Variants in FLACC1 observed in about 807,000 individuals in gnomAD.
FLACC1 encodes the protein flagellum associated containing coiled-coil domains 1.
FLACC1 carries 66 observed loss-of-function variants against 62.8 expected under a neutral mutation model. That is an observed-to-expected ratio of 1.05 (90% CI 0.86 to 1.29). The LOEUF is 1.29. FLACC1 is among the 50% of genes most tolerant of loss of function. The pLI is 0.00. For synonymous variants in FLACC1, 156 were observed against 161.0 expected (o/e 0.97, Z 0.24); for missense variants, 452 against 489.1 (o/e 0.92, Z 0.71).
intron 11 of FLACC1, 33 bp from the exon 12 acceptor site, chr2:201,299,333 C>T (rs776574543): frequency 6.3e-7 from 1 of 1,582,802 alleles, no homozygotes; most frequent in East Asian, 2.2e-5. Flanking sequence ...AAGGTTAGCA[C>T]TGTGGTTCTG....
chr2:201,340,773 C>T (rs1280066128), intron 7 of FLACC1, among the ~76,000 whole-genome samples: 2 of 152,098 alleles, frequency 1.3e-5, no homozygotes, highest in African/African-American at 2.4e-5. Flanking sequence ...TTAAAACTTC[C>T]TTTTGCAATT....
intron 11 of FLACC1, among the ~76,000 whole-genome samples, chr2:201,305,507 A>G (rs1205369042): frequency 6.6e-6 from 1 of 152,236 alleles, no homozygotes; most frequent in Non-Finnish European, 1.5e-5. Context: ...TAGTTCAACC[A>G]TTGTGGAAGA....
chr2:201,295,828 C>T lies in FLACC1; in HGVS notation c.942+3410G>A, dbSNP rs1181110439. Reference sequence around the variant, plus strand: ...AACAAATTTACAAGAAAAAAACAAACAACCCCATGAACAAGTGGGCAAAGG... The same window carrying T: ...AACAAATTTACAAGAAAAAAACAAATAACCCCATGAACAAGTGGGCAAAGG... On this transcript the variant is annotated intron_variant, in intron 12 of 14. Transcript: ENST00000392257. Among the ~76,000 whole-genome samples, 3 of 152,116 alleles carry T rather than the reference C, an allele frequency of 2.0e-5. No homozygotes were observed. In the East Asian group the frequency reaches 5.8e-4, roughly 29 times the overall value.
chr2:201,299,952 G>A (rs1949942793), intron 11 of FLACC1, among the ~76,000 whole-genome samples: 1 of 152,176 alleles, frequency 6.6e-6, no homozygotes, highest in Non-Finnish European at 1.5e-5. Context: ...GAGTTTCCAA[G>A]ATGGCCAAAT....
Position 201,289,678 on chromosome 2 carries a change from A to C in FLACC1, c.1032+18T>G. On this transcript the variant is annotated intron_variant, in intron 13 of 14. Coordinates refer to ENST00000392257, the MANE Select transcript of FLACC1 (RefSeq NM_001127391.3). The stretch of plus-strand genomic sequence containing the variant: ...GGTTCTTCCCCCAACCCCCATCCCC[A>C]CTCCAGTAGGGACTCACCTCTTTCT... 1.2e-6 allele frequency: 2 copies of C among 1,611,548 alleles called. No individual in the cohort carries two copies. Among genetic ancestry groups the C allele is most frequent in the Non-Finnish European group, 1.7e-6 (2 of 1,178,594 alleles).
At chr2:201,336,209 T>G (rs1434220339) in intron 7 of FLACC1, among the ~76,000 whole-genome samples, 1 of 152,144 alleles carries the variant, frequency 6.6e-6, no homozygotes, top group African/African-American at 2.4e-5. Context: ...CTTCTTTGTA[T>G]CTATGTGTAC....
intron 3 of FLACC1, among the ~76,000 whole-genome samples, chr2:201,349,553 C>T (rs1416259809): frequency 6.6e-6 from 1 of 152,102 alleles, no homozygotes; most frequent in Non-Finnish European, 1.5e-5. Context: ...GCTCTTTTCC[C>T]AGCACCTGAA....
intron 7 of FLACC1, among the ~76,000 whole-genome samples, chr2:201,333,195 T>C (rs1002934300): frequency 6.6e-6 from 1 of 152,182 alleles, no homozygotes; most frequent in African/African-American, 2.4e-5. Flanking sequence ...TGTTCCCTTT[T>C]CTCCACATCT....
At chr2:201,306,764 T>C (rs1441549078) in intron 11 of FLACC1, among the ~76,000 whole-genome samples, 3 of 151,702 alleles carry the variant, frequency 2.0e-5, no homozygotes, top group African/African-American at 7.3e-5. Flanking sequence ...TGACAGACAA[T>C]ATTTACAACA....
chr2:201,311,042 G>C (rs932984082), intron 9 of FLACC1, among the ~76,000 whole-genome samples: 1 of 151,758 alleles, frequency 6.6e-6, no homozygotes, highest in African/African-American at 2.4e-5. Flanking sequence ...AAATCTAGAG[G>C]AAATGGATAA....
chr2:201,342,562 A>T, intron 6 of FLACC1, 131 bp from the exon 7 acceptor site: 1 of 796,184 alleles, frequency 1.3e-6, no homozygotes, highest in South Asian at 1.5e-5. Context: ...CCCCCTTCCC[A>T]CCCCTCTTCC....
Position 201,351,438 on chromosome 2 carries a change from T to A in FLACC1, c.-34A>T. On this transcript the variant is annotated 5_prime_UTR_variant, in exon 2 of 15. An upstream open reading frame in the 5' UTR loses its in-frame stop. Transcript: ENST00000392257. ...GTCAGGGGGAGTCTTGGCTGCTAGATCAGGAGGCTCTTGCTGAAATTGAAA... is the reference window on the plus strand; with the variant it reads ...GTCAGGGGGAGTCTTGGCTGCTAGAACAGGAGGCTCTTGCTGAAATTGAAA... The A allele has an allele frequency of 6.7e-7, 1 of 1,487,334 alleles. No homozygotes were observed. Among genetic ancestry groups the A allele is most frequent in the Non-Finnish European group, 9.4e-7 (1 of 1,068,124 alleles). The allele number at this position is 1,487,334 out of a possible 1,614,324, so 92.1% of individuals were successfully genotyped here.
chr2:201,338,836 T>A (rs1950747113), intron 7 of FLACC1, among the ~76,000 whole-genome samples: 1 of 152,206 alleles, frequency 6.6e-6, no homozygotes, highest in East Asian at 1.9e-4. Flanking sequence ...GATTTTTGCA[T>A]CTGTGTTCAT....
At chr2:201,293,019 A>G (rs1275339089) in intron 12 of FLACC1, among the ~76,000 whole-genome samples, 3 of 152,216 alleles carry the variant, frequency 2.0e-5, no homozygotes, top group Non-Finnish European at 4.4e-5. Context: ...CAGATTCATA[A>G]AGTAAGTCCT....
rs1259337485 is a variant in FLACC1 at position 201,346,875 on chromosome 2, G to C, written c.235-200C>G. Among the ~76,000 whole-genome samples the C allele has an allele frequency of 3.9e-5, 6 of 152,178 alleles. No individual in the cohort carries two copies. The highest frequency in any genetic ancestry group is 5.9e-5 in the Non-Finnish European group (4 of 68,024). ...TCTGATGCTTAGCAGGCTCCTGGGT[G>C]TCCCTAGGGGCCTCTCAAGCTCTGC... On this transcript the variant is annotated intron_variant, in intron 4 of 14. Transcript: ENST00000392257. The surrounding 1 kb of genome is among the most constrained non-coding windows in gnomAD (Gnocchi z 4.0).
intron 5 of FLACC1, among the ~76,000 whole-genome samples, chr2:201,345,450 T>TTG (rs56229607): frequency 0.039 from 5,610 of 144,116 alleles, 124 homozygotes; most frequent in South Asian, 0.064. Flanking sequence ...AGGTAGATGA[T>TTG]TGTGTGTGTG....
In FLACC1 at chr2:201,346,412, C is replaced by T; in HGVS notation, c.368+130G>A. On this transcript the variant is annotated intron_variant, in intron 5 of 14. Transcript: ENST00000392257. This position sits in a 1 kb window ranked among gnomAD's most constrained non-coding sequence, Gnocchi z 4.0. ...GAAGCAGGGGCGAGGAGGGAGGTGC[C>T]CTTGCGGCCCCTCCAGAGCAGGGAC... is the stretch of plus-strand genomic sequence containing the variant. 1 of 1,338,998 alleles carries T rather than the reference C, an allele frequency of 7.5e-7. No individual in the cohort carries two copies. The highest frequency in any genetic ancestry group is 2.3e-5 in the East Asian group (1 of 43,254). 82.9% of individuals were successfully genotyped at this position (1,338,998 alleles called of 1,614,324 possible).
Position 201,288,440 on chromosome 2 carries a change from T to G in FLACC1, c.*215A>C. 2.2e-6 allele frequency: 1 copy of G among 457,582 alleles called. No individual in the cohort carries two copies. Among genetic ancestry groups the G allele is most frequent in the Non-Finnish European group, 3.7e-6 (1 of 268,362 alleles). The allele number at this position is 457,582 out of a possible 1,614,324, so 28.3% of individuals were successfully genotyped here. ...GTACAAAACTCAGAGAAAGCTCAGC[T>G]CCCAGTATGGAGAGCATCATTTTTC... is the stretch of plus-strand genomic sequence containing the variant. On this transcript the variant is annotated 3_prime_UTR_variant, in exon 15 of 15. Coordinates refer to ENST00000392257, the MANE Select transcript of FLACC1 (RefSeq NM_001127391.3).
At chr2:201,315,198 T>G (rs1395782661) in intron 9 of FLACC1, among the ~76,000 whole-genome samples, 1 of 152,072 alleles carries the variant, frequency 6.6e-6, no homozygotes, top group Non-Finnish European at 1.5e-5. Flanking sequence ...GAATGGTACC[T>G]CACATCTCAA....
Sources: allele counts gnomAD v4.1 joint callset (sites outside exome capture counted in the v4.1 genomes callset), GRCh38; gene constraint gnomAD v4.1.1; non-coding constraint Gnocchi (gnomAD v3.1); transcripts MANE v1.5; gene names NCBI Gene and HGNC (gene_info 2026-07-23, HGNC 2026-07-21).